Variants in AOX1 observed in about 807,000 individuals in gnomAD.
The protein encoded by AOX1 is aldehyde oxidase.
In AOX1, 153 loss-of-function variants were observed where a neutral mutation model predicts 169.5. The observed-to-expected ratio is 0.90, with a 90% CI of 0.79 to 1.03. The LOEUF (loss-of-function observed/expected upper bound fraction) is 1.03. Ranked by LOEUF, AOX1 falls within the 50% of genes least tolerant of loss-of-function variation. AOX1 has a pLI of 0.00. For synonymous variants in AOX1, 562 were observed against 581.9 expected (o/e 0.97, Z 0.49); for missense variants, 1,656 against 1,663.9 (o/e 1.00, Z 0.08).
intron 25 of AOX1, among the ~76,000 whole-genome samples, chr2:200,649,255 G>A (rs73051022): frequency 0.076 from 11,520 of 151,608 alleles, 843 homozygotes; most frequent in East Asian, 0.24. Flanking sequence ...GCCTGCTAGG[G>A]GACACAGCAA....
At chr2:200,664,321 AC>A (rs1243112234) in intron 31 of AOX1, among the ~76,000 whole-genome samples, 1 of 152,178 alleles carries the variant, frequency 6.6e-6, no homozygotes, top group East Asian at 1.9e-4. Flanking sequence ...ACATGGCTTC[AC>A]CATGTTGCCC....
intron 5 of AOX1, among the ~76,000 whole-genome samples, chr2:200,601,223 C>G (rs189576287): frequency 6.6e-6 from 1 of 151,952 alleles, no homozygotes; most frequent in Non-Finnish European, 1.5e-5. Flanking sequence ...AGAACAAATA[C>G]TACATGAGCC....
chr2:200,679,415 C>G (rs1337109793), downstream of AOX1: 1 of 152,066 alleles, frequency 6.6e-6, no homozygotes, highest in African/African-American at 2.4e-5. Context: ...AGGATTCACC[C>G]AGTTCAGGTA....
At chr2:200,628,439 T>G (rs760143129) in intron 20 of AOX1, among the ~76,000 whole-genome samples, 20 of 152,180 alleles carry the variant, frequency 1.3e-4, no homozygotes, top group Non-Finnish European at 2.5e-4. Flanking sequence ...TAACCCATGC[T>G]TTCCCCGCCA....
intron 19 of AOX1, 51 bp downstream of exon 19, chr2:200,624,034 C>T (rs752063525): frequency 1.1e-5 from 17 of 1,607,298 alleles, no homozygotes; most frequent in Non-Finnish European, 1.4e-5. Flanking sequence ...GAACAAATAT[C>T]AGTTAAAATG....
At position 200,620,757 on chromosome 2, in the gene AOX1, T is replaced by A. The variant is rs1194360517; in HGVS notation, c.1812T>A (p.Pro604=). ...AGGCCATCTACTGTGATGACATGCC[T>A]CTGGTGGACCAGGAACTTTTCTTGA... ...TGEAIYCDDM[P]LVDQELFLTF... is the part of the protein sequence containing the mutation. The change falls in exon 17 of 35, where the codon CCT becomes CCA. Residue 604 remains proline (P), a synonymous_variant. Coordinates refer to ENST00000374700, the MANE Select transcript of AOX1 (RefSeq NM_001159.4). 1.9e-6 allele frequency: 3 copies of A among 1,609,660 alleles called. No individual in the cohort carries two copies. The highest frequency in any genetic ancestry group is 1.7e-5 in the Admixed American group (1 of 59,074).
At chr2:200,638,097 T>A in intron 22 of AOX1, 118 bp from the exon 23 acceptor site, 2 of 800,268 alleles carry the variant, frequency 2.5e-6, no homozygotes, top group Non-Finnish European at 4.2e-6. Context: ...TGCGAAATAG[T>A]TGTGTTGTTC....
intron 10 of AOX1, among the ~76,000 whole-genome samples, chr2:200,607,485 G>A (rs2034539493): frequency 6.6e-6 from 1 of 152,208 alleles, no homozygotes; most frequent in Non-Finnish European, 1.5e-5. Flanking sequence ...TGGCAAGGCT[G>A]TGGAGAAATA....
intron 19 of AOX1, among the ~76,000 whole-genome samples, chr2:200,625,968 C>T (rs891026697): frequency 6.6e-6 from 1 of 152,076 alleles, no homozygotes; most frequent in Non-Finnish European, 1.5e-5. Flanking sequence ...AGGGGTAAGG[C>T]TGATGACCAT....
At chr2:200,658,392 G>A (rs891628451) in intron 27 of AOX1, among the ~76,000 whole-genome samples, 2 of 152,178 alleles carry the variant, frequency 1.3e-5, no homozygotes, top group African/African-American at 4.8e-5. Context: ...TTTCCCCATT[G>A]GAGGGTAAGA....
chr2:200,626,221 A>T (rs183933877), intron 19 of AOX1, among the ~76,000 whole-genome samples: 1 of 152,384 alleles, frequency 6.6e-6, no homozygotes, highest in Non-Finnish European at 1.5e-5. Flanking sequence ...GTCAGTAACA[A>T]AAACAATCAA....
chr2:200,589,287 A>G (rs2034119623), intron 1 of AOX1, among the ~76,000 whole-genome samples: 1 of 152,146 alleles, frequency 6.6e-6, no homozygotes, highest in Non-Finnish European at 1.5e-5. Context: ...CCCCAGAAGA[A>G]CAGATGACCC....
intron 10 of AOX1, among the ~76,000 whole-genome samples, chr2:200,607,526 AAATT>A (rs2034540301): frequency 6.6e-6 from 1 of 152,218 alleles, no homozygotes; most frequent in East Asian, 1.9e-4. Context: ...GTAGGGGTGT[AAATT>A]AATTCAACCG....
At chr2:200,654,097 A>T (rs1242768422) in intron 26 of AOX1, among the ~76,000 whole-genome samples, 3 of 151,820 alleles carry the variant, frequency 2.0e-5, no homozygotes, top group Non-Finnish European at 2.9e-5. Context: ...CTAAGTGTTC[A>T]AGTGAAAAAA....
At chr2:200,656,398 T>C (rs2035685330) in intron 26 of AOX1, among the ~76,000 whole-genome samples, 1 of 152,216 alleles carries the variant, frequency 6.6e-6, no homozygotes, top group African/African-American at 2.4e-5. Flanking sequence ...TCTGGATCCT[T>C]GTGGGGAGCT....
At chr2:200,644,993 A>C (rs929681774) in intron 25 of AOX1, among the ~76,000 whole-genome samples, 6 of 152,154 alleles carry the variant, frequency 3.9e-5, no homozygotes, top group Admixed American at 1.3e-4. Context: ...GTCAGCAAAC[A>C]GTGACGGTTT....
In AOX1 at chr2:200,666,679, A is replaced by G; in HGVS notation, c.3544-8A>G. On this transcript the variant is annotated splice_region_variant and splice_polypyrimidine_tract_variant and intron_variant, in intron 31 of 34. Transcript: ENST00000374700. ...AAAATAAACATTTTAACTTTTTTTT[A>G]ATACTAGAACATCAGAACAGACATT... 4 of 1,585,990 alleles carry G rather than the reference A, an allele frequency of 2.5e-6. No homozygotes were observed. Among genetic ancestry groups the G allele is most frequent in the South Asian group, 1.2e-5 (1 of 85,710 alleles).
At chr2:200,622,657 A>G (rs183353171) in intron 18 of AOX1, among the ~76,000 whole-genome samples, 62 of 152,318 alleles carry the variant, frequency 4.1e-4, no homozygotes, top group Non-Finnish European at 6.3e-4. Context: ...TCTTGGCTGC[A>G]TGATAGTACC....
intron 15 of AOX1, among the ~76,000 whole-genome samples, 184 bp downstream of exon 15, chr2:200,614,150 A>G (rs2034701834): frequency 6.6e-6 from 1 of 152,238 alleles, no homozygotes; most frequent in South Asian, 2.1e-4. Flanking sequence ...GGAAGAATTG[A>G]AAGTAGAGCC....
Sources: allele counts gnomAD v4.1 joint callset (sites outside exome capture counted in the v4.1 genomes callset), GRCh38; gene constraint gnomAD v4.1.1; transcripts MANE v1.5; gene names NCBI Gene and HGNC (gene_info 2026-07-23, HGNC 2026-07-21).